PCSK5: variants seen among roughly 807,000 people sequenced by gnomAD.
PCSK5 encodes proprotein convertase subtilisin/kexin type 5, also known as prohormone convertase 5.
In PCSK5, 129 loss-of-function variants were observed where a neutral mutation model predicts 233.2. That is an observed-to-expected ratio of 0.55 (90% CI 0.48 to 0.64). The LOEUF (loss-of-function observed/expected upper bound fraction) is 0.64, where lower values mean the gene tolerates loss of function less well. Among genes scored for constraint, PCSK5 ranks in the 30% least tolerant of loss-of-function variants. The pLI is 0.00. For missense variants in PCSK5, 2,076 were observed against 2,430.1 expected, an observed-to-expected ratio of 0.85 and a Z score of 3.06; for synonymous variants, 825 against 879.2, an observed-to-expected ratio of 0.94 and a Z score of 1.09.
At chr9:76,296,938 T>G (rs567275876) in intron 27 of PCSK5, 73 bp downstream of exon 27, 3 of 948,832 alleles carry the variant, frequency 3.2e-6, no homozygotes, top group South Asian at 1.4e-5. Context: ...ATAACTCTGG[T>G]TTTTTTAGTT....
Position 76,027,124 on chromosome 9 carries a change from T to C in PCSK5, c.632+87T>C. 9 of 796,006 alleles carry C rather than the reference T, an allele frequency of 1.1e-5. 1 individual carries two copies. In the South Asian group the frequency reaches 1.6e-4, roughly 14 times the overall value. 49.3% of individuals were successfully genotyped at this position (796,006 alleles called of 1,614,324 possible). ...ACTGAGGGAAGTATTTTCTTCAAAA[T>C]CCTTGATAACATATGATTGCTAATT... On this transcript the variant is annotated intron_variant, in intron 5 of 37. Coordinates refer to ENST00000674117, the MANE Select transcript of PCSK5 (RefSeq NM_001372043.1).
chr9:76,145,643 C>T (rs1342116327), intron 10 of PCSK5, among the ~76,000 whole-genome samples: 1 of 152,138 alleles, frequency 6.6e-6, no homozygotes, highest in Non-Finnish European at 1.5e-5. Context: ...GTTTCATATC[C>T]CACATCAGGG....
rs142614753 is a variant in PCSK5 at position 76,181,575 on chromosome 9, G to A, written c.2181G>A (p.Gly727=). 235 of 1,611,744 alleles carry A rather than the reference G, an allele frequency of 1.5e-4. 2 individuals carry two copies. In the East Asian group the frequency reaches 2.3e-3, roughly 16 times the overall value. The change falls in exon 16 of 38, where the codon GGG becomes GGA. Residue 727 remains glycine (G), a synonymous_variant. Coordinates refer to ENST00000674117, the MANE Select transcript of PCSK5 (RefSeq NM_001372043.1). ...GCTGTGTTACTCACTGCCCTGATGG[G>A]TCATATCAGGATACCAGTAAGCTCA... ...TNSCVTHCPD[G]SYQDTKKNLC...
intron 2 of PCSK5, among the ~76,000 whole-genome samples, chr9:75,967,803 C>G (rs1460363638): frequency 3.3e-5 from 5 of 151,046 alleles, no homozygotes; most frequent in Admixed American, 2.0e-4. Context: ...CTCTTGTTGC[C>G]GAGGCTGGAG....
At chr9:75,946,659 G>A (rs1046890248) in intron 2 of PCSK5, among the ~76,000 whole-genome samples, 1 of 152,046 alleles carries the variant, frequency 6.6e-6, no homozygotes, top group Non-Finnish European at 1.5e-5. Flanking sequence ...CGCAATCTCC[G>A]CTCACTTCAA....
At chr9:76,235,934 G>A (rs1054384465) in intron 22 of PCSK5, among the ~76,000 whole-genome samples, 1 of 152,202 alleles carries the variant, frequency 6.6e-6, no homozygotes, top group Non-Finnish European at 1.5e-5. Context: ...TTAATAAAAG[G>A]CTAAAAATCC....
chr9:76,324,738 G>T (rs13293036), intron 32 of PCSK5, among the ~76,000 whole-genome samples: 4,872 of 152,216 alleles, frequency 0.032, 125 homozygotes, highest in Non-Finnish European at 0.045. Context: ...AATAAGTTAT[G>T]CACTCTAGAA....
Position 76,296,783 on chromosome 9 carries a change from C to T in PCSK5, c.3441C>T (p.Ser1147=). Residue 1147 remains serine (S), a synonymous_variant, in exon 27 of 38, where the codon AGC becomes AGT. Transcript: ENST00000674117. ...TCTGPGHDEC[S]SCQEGLQLLR... is the part of the protein sequence containing the mutation. ...CAGGCCCTGGTCATGACGAGTGCAG[C>T]AGCTGCCAGGAAGGACTGCAGCTGC... 6.2e-7 allele frequency: 1 copy of T among 1,611,796 alleles called. No homozygotes were observed. The highest frequency in any genetic ancestry group is 2.2e-5 in the East Asian group (1 of 44,858).
At chr9:76,116,930 A>G (rs1832447387) in intron 9 of PCSK5, among the ~76,000 whole-genome samples, 2 of 152,164 alleles carry the variant, frequency 1.3e-5, no homozygotes, top group Admixed American at 1.3e-4. Context: ...CTTTCCCTAC[A>G]GTTATTCAAA....
chr9:75,991,201 C>T (rs913567181), intron 3 of PCSK5, among the ~76,000 whole-genome samples: 4 of 152,138 alleles, frequency 2.6e-5, no homozygotes, highest in South Asian at 2.1e-4. Context: ...TTACTTGTAA[C>T]GTAATTCTAC....
At chr9:76,063,319 C>CTTTTTTTTTTTTTTTTTT (rs1157596601) in intron 5 of PCSK5, among the ~76,000 whole-genome samples, 2 of 59,676 alleles carry the variant, frequency 3.4e-5, no homozygotes, top group Non-Finnish European at 5.9e-5. Flanking sequence ...TTTCTTTTTT[C>CTTTTTTTTTTTTTTTTTT]TTTTTTTTTT....
At chr9:76,328,692 C>A (rs1829442970) in intron 33 of PCSK5, among the ~76,000 whole-genome samples, 1 of 152,180 alleles carries the variant, frequency 6.6e-6, no homozygotes, top group African/African-American at 2.4e-5. Context: ...GTTATCAACT[C>A]TAATAAATTG....
chr9:76,243,582 C>T (rs780344108), intron 24 of PCSK5, among the ~76,000 whole-genome samples: 3 of 152,166 alleles, frequency 2.0e-5, no homozygotes, highest in African/African-American at 7.2e-5. Flanking sequence ...TTGTTGATCT[C>T]TCCAATAGAA....
In PCSK5 at chr9:76,191,329, C is replaced by G. The variant is rs557344997; in HGVS notation, c.2626+1583C>G. 3.9e-5 allele frequency among the ~76,000 whole-genome samples: 6 copies of G among 152,256 alleles called. No individual in the cohort carries two copies. The South Asian group carries it at 1.2e-3, about 32-fold the overall frequency. Reference sequence around the variant, plus strand: ...AAATTTCATGAAAGGAAAAACAGTACCATTGTCAGGAGAATGTGGACTTGG... The same window carrying G: ...AAATTTCATGAAAGGAAAAACAGTAGCATTGTCAGGAGAATGTGGACTTGG... On this transcript the variant is annotated intron_variant, in intron 20 of 37. Coordinates refer to ENST00000674117, the MANE Select transcript of PCSK5 (RefSeq NM_001372043.1).
intron 20 of PCSK5, among the ~76,000 whole-genome samples, chr9:76,198,723 G>A (rs977196310): frequency 5.3e-5 from 8 of 152,218 alleles, no homozygotes; most frequent in African/African-American, 9.6e-5. Flanking sequence ...TTGAGTCCCC[G>A]CCACAAACTA....
chr9:76,057,474 A>G (rs1587562887), intron 5 of PCSK5, among the ~76,000 whole-genome samples: 1 of 152,206 alleles, frequency 6.6e-6, no homozygotes, highest in Non-Finnish European at 1.5e-5. Flanking sequence ...TGGACCATCA[A>G]TTACAGTATG....
intron 24 of PCSK5, among the ~76,000 whole-genome samples, chr9:76,253,118 A>T (rs1365738916): frequency 6.6e-6 from 1 of 152,214 alleles, no homozygotes; most frequent in Non-Finnish European, 1.5e-5. Context: ...TTCATAAAGC[A>T]TCGTCTTTTC....
intron 5 of PCSK5, among the ~76,000 whole-genome samples, chr9:76,064,138 A>ACCC (rs59681372): frequency 1.1e-5 from 1 of 89,800 alleles, no homozygotes; most frequent in African/African-American, 5.0e-5. Flanking sequence ...CGGAGGGCTG[A>ACCC]CCCCCCCACC....
chr9:76,338,527 C>A (rs1564189709), intron 35 of PCSK5, 80 bp downstream of exon 35: 9 of 994,730 alleles, frequency 9.0e-6, no homozygotes, highest in East Asian at 7.8e-5. Flanking sequence ...TTTCTCTCTT[C>A]TCACCACCTG....
Sources: allele counts gnomAD v4.1 joint callset (sites outside exome capture counted in the v4.1 genomes callset), GRCh38; gene constraint gnomAD v4.1.1; transcripts MANE v1.5; gene names NCBI Gene and HGNC (gene_info 2026-07-23, HGNC 2026-07-21).